Variants in UTP20 observed in about 807,000 individuals in gnomAD.
UTP20 encodes the protein UTP20 small subunit processome component, also known as small subunit processome component 20 homolog.
In UTP20, 164 loss-of-function variants were observed where a neutral mutation model predicts 329.5. That is an observed-to-expected ratio of 0.50 (90% CI 0.44 to 0.57). The LOEUF (loss-of-function observed/expected upper bound fraction) is 0.57, where lower values mean the gene tolerates loss of function less well. UTP20 is among the 20% of genes least tolerant of loss of function. The pLI is 0.00. For missense variants in UTP20, 3,055 were observed against 3,284.2 expected (o/e 0.93, Z 1.71); for synonymous variants, 1,151 against 1,159.3 (o/e 0.99, Z 0.14).
intron 35 of UTP20, 24 bp from the exon 36 acceptor site, chr12:101,344,571 C>G (rs745380225): frequency 2.2e-6 from 2 of 893,450 alleles, no homozygotes; most frequent in African/African-American, 3.3e-5. Flanking sequence ...AGAATAATTT[C>G]TTTTTTATTT....
chr12:101,329,206 C>T (rs1181175567), intron 26 of UTP20, 35 bp from the exon 27 acceptor site: 2 of 1,557,238 alleles, frequency 1.3e-6, no homozygotes, highest in Non-Finnish European at 1.8e-6. Context: ...TAATATGTTA[C>T]CTTACATGAC....
intron 45 of UTP20, among the ~76,000 whole-genome samples, chr12:101,365,111 T>TGTGTGTGTGTGTGTG (rs1593450361): frequency 6.6e-6 from 1 of 151,028 alleles, no homozygotes; most frequent in African/African-American, 2.4e-5. Context: ...TGTGTGTGTG[T>TGTGTGTGTGTGTGTG]TTGCCTCTAA....
At chr12:101,331,812 T>C (rs1385235138) in intron 27 of UTP20, among the ~76,000 whole-genome samples, 3 of 152,118 alleles carry the variant, frequency 2.0e-5, no homozygotes, top group African/African-American at 7.2e-5. Context: ...AAATAAATTA[T>C]CACTTGTATG....
In UTP20 at chr12:101,381,140, ATG is replaced by A; in HGVS notation, c.7586_7587del (p.Met2529LysfsTer26). The A allele has an allele frequency of 6.2e-7, 1 of 1,612,462 alleles. No homozygotes were observed. The highest frequency in any genetic ancestry group is 8.5e-7 in the Non-Finnish European group (1 of 1,178,458). ...ACCAATGTCCATTTTCTTTTCACAG[ATG>A]AAAAGTATCTCTCTCGCCTCTTGCC... is the stretch of plus-strand genomic sequence containing the variant. ...KFLASDLDQK[M>X]KSISLASCHQ... On this transcript the variant is annotated frameshift_variant and splice_region_variant, in exon 58 of 62. Coordinates refer to ENST00000261637, the MANE Select transcript of UTP20 (RefSeq NM_014503.3). LOFTEE classifies it high-confidence loss of function.
intron 42 of UTP20, 59 bp downstream of exon 42, chr12:101,356,752 T>A: frequency 6.4e-7 from 1 of 1,561,760 alleles, no homozygotes; most frequent in Non-Finnish European, 8.7e-7. Flanking sequence ...CTTTTCTTCC[T>A]TACTTTTGAG....
At position 101,356,857 on chromosome 12, in the gene UTP20, A is replaced by G. The variant is rs1869739373; in HGVS notation, c.5535-69A>G. 2.6e-6 allele frequency: 4 copies of G among 1,519,154 alleles called. No homozygotes were observed. The East Asian group carries it at 6.9e-5, about 26-fold the overall frequency. The allele number at this position is 1,519,154 out of a possible 1,614,324, so 94.1% of individuals were successfully genotyped here. ...TTGAGTTACGAGTAATTAAGAGACT[A>G]AAGGATATGTGTATGTTTAATTGCT... On this transcript the variant is annotated intron_variant, in intron 42 of 61. Coordinates refer to ENST00000261637, the MANE Select transcript of UTP20 (RefSeq NM_014503.3).
At chr12:101,382,177 A>T (rs1036535750) in intron 58 of UTP20, among the ~76,000 whole-genome samples, 3 of 151,780 alleles carry the variant, frequency 2.0e-5, no homozygotes, top group Non-Finnish European at 4.4e-5. Context: ...GGCCGAGATG[A>T]GCAGATCTCT....
intron 48 of UTP20, among the ~76,000 whole-genome samples, chr12:101,368,635 A>T (rs756991224): frequency 1.3e-5 from 2 of 152,140 alleles, no homozygotes; most frequent in Non-Finnish European, 2.9e-5. Context: ...AATCATCATC[A>T]TCATCACCTT....
At position 101,370,432 on chromosome 12, in the gene UTP20, T is replaced by C; in HGVS notation, c.6556T>C (p.Cys2186Arg). 6.2e-7 allele frequency: 1 copy of C among 1,612,798 alleles called. No individual in the cohort carries two copies. Among genetic ancestry groups the C allele is most frequent in the South Asian group, 1.1e-5 (1 of 90,706 alleles). ...TTAACATCACTATTGTAACTTGCAG[T>C]GTGTGACCATACTTGTCAAGAAAGT... ...NFHLVVNCFK[C>R]VTILVKKVKS... is the part of the protein sequence containing the mutation. Residue 2186 changes from cysteine to arginine, a missense_variant and splice_region_variant, in exon 50 of 62, where the codon TGT becomes CGT. Cys to Arg is a radical substitution (Grantham distance 180). This residue lies in a region of UTP20 where 273 missense variants were observed against 363.1 expected (regional missense o/e 0.75). Coordinates refer to ENST00000261637, the MANE Select transcript of UTP20 (RefSeq NM_014503.3).
intron 12 of UTP20, among the ~76,000 whole-genome samples, 176 bp downstream of exon 12, chr12:101,295,834 T>G (rs1872328227): frequency 7.0e-6 from 1 of 143,406 alleles, no homozygotes; most frequent in African/African-American, 2.6e-5. Context: ...TGATCTCATT[T>G]TGCAAGGTAA....
chr12:101,345,793 G>A (rs1869304338), intron 37 of UTP20, 99 bp downstream of exon 37: 5 of 1,131,632 alleles, frequency 4.4e-6, no homozygotes, highest in Non-Finnish European at 6.1e-6. Context: ...TTTCCAAAAA[G>A]GTTTAAGCTT....
chr12:101,344,668 A>G lies in UTP20; in HGVS notation c.4523A>G (p.Asn1508Ser). 1.3e-6 allele frequency: 2 copies of G among 1,593,372 alleles called. No individual in the cohort carries two copies. The highest frequency in any genetic ancestry group is 1.7e-6 in the Non-Finnish European group (2 of 1,161,036). Residue 1508 changes from asparagine to serine, a missense_variant, in exon 36 of 62, where the codon AAT becomes AGT. This residue lies in a region of UTP20 where 2,445 missense variants were observed against 2,575.5 expected (regional missense o/e 0.95). Transcript: ENST00000261637. Reference sequence around the variant, plus strand: ...ATCATCAAAAAGCTAGCTGCCTTGAATGTCACAGAGAAAGACTATAGAGAA... The same window carrying G: ...ATCATCAAAAAGCTAGCTGCCTTGAGTGTCACAGAGAAAGACTATAGAGAA... ...MSIIKKLAAL[N>S]VTEKDYREII...
chr12:101,321,447 A>G, intron 24 of UTP20, 57 bp from the exon 25 acceptor site: 1 of 1,600,200 alleles, frequency 6.2e-7, no homozygotes, highest in East Asian at 2.3e-5. Flanking sequence ...TCACTCTTTC[A>G]TTATTCAAAA....
intron 2 of UTP20, among the ~76,000 whole-genome samples, chr12:101,284,646 C>G (rs1046349735): frequency 7.2e-5 from 11 of 152,028 alleles, no homozygotes; most frequent in African/African-American, 2.7e-4. Flanking sequence ...TGTATACATA[C>G]ATGTCATACA....
At chr12:101,341,882 A>G (rs1374356526) in intron 32 of UTP20, among the ~76,000 whole-genome samples, 1 of 152,126 alleles carries the variant, frequency 6.6e-6, no homozygotes, top group Admixed American at 6.5e-5. Context: ...TCCAGACTGG[A>G]CAACAGAGTG....
chr12:101,306,596 T>C (rs536620122), intron 16 of UTP20, 103 bp from the exon 17 acceptor site: 19 of 774,916 alleles, frequency 2.5e-5, no homozygotes, highest in Non-Finnish European at 3.4e-5. Flanking sequence ...TCAAATGGTA[T>C]TTTTTTTTTA....
chr12:101,381,969 A>G (rs921931526), intron 58 of UTP20, among the ~76,000 whole-genome samples: 5 of 150,808 alleles, frequency 3.3e-5, no homozygotes, highest in Non-Finnish European at 5.9e-5. Context: ...CACTAAGCCA[A>G]AATCACCACA....
intron 38 of UTP20, among the ~76,000 whole-genome samples, chr12:101,348,120 C>T (rs1349864578): frequency 3.3e-5 from 5 of 152,228 alleles, no homozygotes; most frequent in South Asian, 4.1e-4. Flanking sequence ...TGAGCCACCA[C>T]GCCCGGCTGG....
At chr12:101,314,377 G>T (rs961820048) in intron 21 of UTP20, among the ~76,000 whole-genome samples, 6 of 152,132 alleles carry the variant, frequency 3.9e-5, no homozygotes, top group Non-Finnish European at 8.8e-5. Context: ...AAATAAGCTT[G>T]GCTGGGTGCA....
Sources: allele counts gnomAD v4.1 joint callset (sites outside exome capture counted in the v4.1 genomes callset), GRCh38; gene constraint gnomAD v4.1.1; regional missense constraint gnomAD v4.1.1; transcripts MANE v1.5; gene names NCBI Gene and HGNC (gene_info 2026-07-23, HGNC 2026-07-21).